TNFAIP8L3: variants seen among roughly 807,000 people sequenced by gnomAD.
TNFAIP8L3 encodes the protein TNF alpha induced protein 8 like 3, also known as tumor necrosis factor alpha-induced protein 8-like protein 3.
Under a neutral mutation model 11.8 loss-of-function variants are expected in TNFAIP8L3, and 7 were observed. That is an observed-to-expected ratio of 0.59 (90% confidence interval 0.34 to 1.11). TNFAIP8L3 has a LOEUF of 1.11. Ranked by LOEUF, TNFAIP8L3 falls within the 50% of genes most tolerant of loss-of-function variation. The probability of loss-of-function intolerance (pLI) is 0.03; values close to 1 mark genes in which losing one functional copy is unlikely to be tolerated. For missense variants in TNFAIP8L3, 219 were observed against 258.6 expected (o/e 0.85, Z 1.05); for synonymous variants, 98 against 103.8 (o/e 0.94, Z 0.34).
intron 1 of TNFAIP8L3, among the ~76,000 whole-genome samples, chr15:51,068,879 G>C (rs558089590): frequency 3.0e-4 from 46 of 152,162 alleles, no homozygotes; most frequent in South Asian, 1.2e-3. Flanking sequence ...GGTTGGCCAG[G>C]TTGGTCTCGA....
chr15:51,083,027 T>C (rs1309025647), intron 1 of TNFAIP8L3, among the ~76,000 whole-genome samples: 1 of 152,152 alleles, frequency 6.6e-6, no homozygotes, highest in Non-Finnish European at 1.5e-5. Flanking sequence ...TTAAGGGTGA[T>C]TGGGGCTAAT....
intron 1 of TNFAIP8L3, among the ~76,000 whole-genome samples, chr15:51,070,285 C>T (rs1000378242): frequency 1.3e-5 from 2 of 152,184 alleles, no homozygotes; most frequent in African/African-American, 2.4e-5. Flanking sequence ...AAGTAACCAT[C>T]ACTAAAAACA....
At chr15:51,076,784 T>C (rs2065353662) in intron 1 of TNFAIP8L3, among the ~76,000 whole-genome samples, 2 of 152,178 alleles carry the variant, frequency 1.3e-5, no homozygotes, top group Non-Finnish European at 2.9e-5. Flanking sequence ...CTGTGTGCCA[T>C]GGGCCCATCT....
intron 1 of TNFAIP8L3, among the ~76,000 whole-genome samples, chr15:51,082,044 ATTT>A (rs370927669): frequency 1.4e-5 from 2 of 143,864 alleles, no homozygotes; most frequent in African/African-American, 2.5e-5. Context: ...GAAAGAGTGA[ATTT>A]TTTTTTTTTT....
intron 1 of TNFAIP8L3, among the ~76,000 whole-genome samples, chr15:51,087,919 T>TTATTTATATATATATATATATA (rs2065440888): frequency 9.8e-6 from 1 of 101,564 alleles, no homozygotes; most frequent in Non-Finnish European, 2.0e-5. Flanking sequence ...TAGCATACCT[T>TTATTTATATATATATATATATA]TATATATATA....
Position 51,100,576 on chromosome 15 carries a change from C to T in TNFAIP8L3, c.172+4429G>A, listed in dbSNP as rs191473879. 1.5e-3 allele frequency among the ~76,000 whole-genome samples: 221 copies of T among 152,168 alleles called. 1 individual carries two copies. In the Middle Eastern group the frequency reaches 0.048, roughly 33 times the overall value. On this transcript the variant is annotated intron_variant, in intron 1 of 2. Coordinates refer to the TNFAIP8L3 transcript ENST00000327536. ...CAACAGTGGGATAATAGCTGTATTG[C>T]TACAATAAGGGCAGGAATAGTTCTT...
At chr15:51,104,985 G>A (rs2065579436) in intron 1 of TNFAIP8L3, 3 of 1,613,954 alleles carry the variant, frequency 1.9e-6, no homozygotes, top group Non-Finnish European at 2.5e-6. Context: ...TTCTCTGCCA[G>A]TTCCTGAGCC....
At chr15:51,072,146 C>CT (rs2065312843) in intron 1 of TNFAIP8L3, among the ~76,000 whole-genome samples, 1 of 144,528 alleles carries the variant, frequency 6.9e-6, no homozygotes, top group African/African-American at 2.5e-5. Context: ...ATACAGAAAG[C>CT]TATTTTTTTT....
intron 1 of TNFAIP8L3, among the ~76,000 whole-genome samples, chr15:51,082,113 T>A (rs2065396532): frequency 6.6e-6 from 1 of 151,636 alleles, no homozygotes; most frequent in African/African-American, 2.4e-5. Context: ...CATAGAGTCA[T>A]GAGTGACTTG....
upstream of TNFAIP8L3, among the ~76,000 whole-genome samples, chr15:51,098,637 A>G (rs557716359): frequency 2.0e-5 from 3 of 152,372 alleles, no homozygotes; most frequent in South Asian, 4.1e-4. Flanking sequence ...AAAGTAATGC[A>G]GATTACTAGA....
At chr15:51,081,053 C>T (rs1011724969) in intron 1 of TNFAIP8L3, among the ~76,000 whole-genome samples, 1 of 152,102 alleles carries the variant, frequency 6.6e-6, no homozygotes, top group African/African-American at 2.4e-5. Flanking sequence ...TCTCTGGAAG[C>T]TTTTAAGATT....
intron 1 of TNFAIP8L3, among the ~76,000 whole-genome samples, chr15:51,091,951 C>T (rs2065473998): frequency 6.6e-6 from 1 of 152,150 alleles, no homozygotes; most frequent in South Asian, 2.1e-4. Flanking sequence ...ACCAGGAACA[C>T]CTCTCGTGTT....
At chr15:51,064,456 G>T (rs1310063132) in intron 1 of TNFAIP8L3, among the ~76,000 whole-genome samples, 1 of 151,540 alleles carries the variant, frequency 6.6e-6, no homozygotes, top group African/African-American at 2.4e-5. Context: ...CAAATTTACT[G>T]GACATATACA....
upstream of TNFAIP8L3, among the ~76,000 whole-genome samples, chr15:51,095,286 G>C (rs1030301583): frequency 6.6e-6 from 1 of 151,038 alleles, no homozygotes; most frequent in Non-Finnish European, 1.5e-5. Context: ...GAAGGGGGCG[G>C]GGTGGGGGGA....
chr15:51,098,560 A>G (rs1419094863), upstream of TNFAIP8L3, among the ~76,000 whole-genome samples: 10 of 152,236 alleles, frequency 6.6e-5, no homozygotes, highest in African/African-American at 2.4e-4. Flanking sequence ...AGCCTTGAGA[A>G]AGGGAGCTTT....
intron 1 of TNFAIP8L3, among the ~76,000 whole-genome samples, chr15:51,075,890 A>G (rs1219517457): frequency 6.6e-6 from 1 of 152,220 alleles, no homozygotes; most frequent in East Asian, 1.9e-4. Context: ...GAGCTTAACA[A>G]CAACTAGACA....
chr15:51,074,171 C>T (rs1316188058), intron 1 of TNFAIP8L3, among the ~76,000 whole-genome samples: 1 of 152,140 alleles, frequency 6.6e-6, no homozygotes, highest in African/African-American at 2.4e-5. Context: ...TCCCATAAAA[C>T]GGATTGAGTA....
At chr15:51,062,263 G>A (rs2065246364) in intron 1 of TNFAIP8L3, among the ~76,000 whole-genome samples, 1 of 150,786 alleles carries the variant, frequency 6.6e-6, no homozygotes, top group African/African-American at 2.4e-5. Context: ...GACAGAGTGA[G>A]ACTCTGTCTC....
chr15:51,058,544 C>G, intron 1 of TNFAIP8L3, 101 bp from the exon 2 acceptor site: 1 of 1,110,070 alleles, frequency 9.0e-7, no homozygotes, highest in Non-Finnish European at 1.2e-6. Flanking sequence ...GTTCTTAGAG[C>G]AAAAACTCAT....
Sources: gnomAD v4.1 joint callset for allele counts (sites outside exome capture counted in the v4.1 genomes callset) on GRCh38, gnomAD v4.1.1 for gene constraint, MANE v1.5 for transcripts, NCBI Gene and HGNC (gene_info 2026-07-23, HGNC 2026-07-21) for gene names.